The following LINGO2 variants were observed in gnomAD, a reference collection of about 807,000 sequenced individuals.
LINGO2 encodes the protein leucine rich repeat and Ig domain containing 2.
Under a neutral mutation model 30.6 loss-of-function variants are expected in LINGO2, and 14 were observed. That is an observed-to-expected ratio of 0.46 (90% confidence interval 0.30 to 0.72). The LOEUF (loss-of-function observed/expected upper bound fraction) is 0.72, where lower values mean the gene tolerates loss of function less well. LINGO2 is among the 30% of genes least tolerant of loss of function. The pLI, the probability that LINGO2 is intolerant of heterozygous loss-of-function variation, is 0.07. For synonymous variants in LINGO2, 317 were observed against 288.5 expected (o/e 1.10, Z -1.00); for missense variants, 729 against 751.7 (o/e 0.97, Z 0.35).
At chr9:28,042,826 AT>A (rs750415103) in intron 4 of LINGO2, among the ~76,000 whole-genome samples, 2 of 152,134 alleles carry the variant, frequency 1.3e-5, no homozygotes, top group Non-Finnish European at 2.9e-5. Context: ...AACAAATGTT[AT>A]TATACAAATA....
intron 4 of LINGO2, among the ~76,000 whole-genome samples, chr9:28,020,571 CAAACAAAACAAG>C (rs1563918383): frequency 9.8e-6 from 1 of 102,282 alleles, no homozygotes; most frequent in African/African-American, 4.4e-5. Context: ...CAAAACAAAA[CAAACAAAACAAG>C]AAAGTGTTAC....
chr9:28,118,005 CTTACTT>C (rs1334841659), intron 4 of LINGO2, among the ~76,000 whole-genome samples: 1 of 151,560 alleles, frequency 6.6e-6, no homozygotes, highest in Non-Finnish European at 1.5e-5. Flanking sequence ...GTGTAAGTGT[CTTACTT>C]ATAAGTGGGA....
intron 1 of LINGO2, among the ~76,000 whole-genome samples, chr9:28,585,757 A>C (rs559559082): frequency 1.3e-5 from 2 of 152,156 alleles, no homozygotes; most frequent in Admixed American, 6.6e-5. Context: ...AAGAATACTA[A>C]GTTCTTCCCA....
chr9:28,565,339 C>A (rs1231970500), intron 1 of LINGO2, among the ~76,000 whole-genome samples: 1 of 151,548 alleles, frequency 6.6e-6, no homozygotes, highest in Non-Finnish European at 1.5e-5. Flanking sequence ...AGGCGCCTGC[C>A]ACCACGCCCG....
chr9:28,931,128 T>C, the LINGO2 span, among the ~76,000 whole-genome samples: 2 of 152,230 alleles, frequency 1.3e-5, no homozygotes, highest in African/African-American at 4.8e-5. Context: ...TGCCACAATG[T>C]CCCTAGCCAT....
intron 1 of LINGO2, among the ~76,000 whole-genome samples, chr9:28,617,142 A>G (rs185712529): frequency 6.6e-6 from 1 of 152,168 alleles, no homozygotes; most frequent in African/African-American, 2.4e-5. Flanking sequence ...GGATTTAGCT[A>G]ATAACATATT....
the LINGO2 span, among the ~76,000 whole-genome samples, chr9:28,797,359 T>TATATATATATAGAG: frequency 2.5e-3 from 85 of 34,202 alleles, no homozygotes; most frequent in Non-Finnish European, 3.6e-3. Context: ...TATATATATA[T>TATATATATATAGAG]AGAGAGAGAG....
chr9:29,198,100 T>C, the LINGO2 span, among the ~76,000 whole-genome samples: 1 of 152,124 alleles, frequency 6.6e-6, no homozygotes, highest in Non-Finnish European at 1.5e-5. Flanking sequence ...ATTCAATTTA[T>C]AAATGGCTTA....
At chr9:28,969,346 G>T in the LINGO2 span, among the ~76,000 whole-genome samples, 1 of 152,260 alleles carries the variant, frequency 6.6e-6, no homozygotes, top group Non-Finnish European at 1.5e-5. Flanking sequence ...GTAACAGCAA[G>T]TATAAAGACC....
chr9:28,420,530 C>T (rs12553846), intron 2 of LINGO2, among the ~76,000 whole-genome samples: 3,067 of 152,070 alleles, frequency 0.02, 52 homozygotes, highest in Non-Finnish European at 0.032. Flanking sequence ...TTCCCATCTA[C>T]CATATGCATA....
intron 1 of LINGO2, among the ~76,000 whole-genome samples, chr9:28,549,973 C>T (rs1822188808): frequency 6.6e-6 from 1 of 151,852 alleles, no homozygotes. Context: ...ATCTTCACAA[C>T]ATCCTGTTGT....
chr9:28,081,733 C>T (rs547930227), intron 4 of LINGO2, among the ~76,000 whole-genome samples: 2 of 152,254 alleles, frequency 1.3e-5, no homozygotes, highest in South Asian at 4.1e-4. Flanking sequence ...AATGCAATCC[C>T]TATATTTTAG....
chr9:28,559,108 G>C (rs529456851), intron 1 of LINGO2, among the ~76,000 whole-genome samples: 2 of 152,130 alleles, frequency 1.3e-5, no homozygotes, highest in African/African-American at 2.4e-5. Context: ...CATTCAATTT[G>C]CAATCAAATA....
At chr9:28,242,067 C>T (rs1821820961) in intron 4 of LINGO2, among the ~76,000 whole-genome samples, 1 of 152,164 alleles carries the variant, frequency 6.6e-6, no homozygotes, top group African/African-American at 2.4e-5. Context: ...TGCCTCTTCT[C>T]CTCCAAATAA....
chr9:28,139,056 C>T (rs1038536876), intron 4 of LINGO2, among the ~76,000 whole-genome samples: 4 of 152,208 alleles, frequency 2.6e-5, no homozygotes, highest in African/African-American at 9.6e-5. Flanking sequence ...ATGCCTGAAG[C>T]TATTTTTCAG....
chr9:28,905,923 G>A, the LINGO2 span, among the ~76,000 whole-genome samples: 83 of 152,076 alleles, frequency 5.5e-4, no homozygotes, highest in African/African-American at 1.9e-3. Context: ...TCCATTAAAG[G>A]ATGAATAAGT....
chr9:28,204,219 G>T (rs965413782), intron 4 of LINGO2, among the ~76,000 whole-genome samples: 4 of 151,880 alleles, frequency 2.6e-5, no homozygotes, highest in African/African-American at 9.7e-5. Context: ...TGTCTTTATA[G>T]TTGTACATAT....
chr9:28,948,745 A>T, the LINGO2 span, among the ~76,000 whole-genome samples: 8 of 152,276 alleles, frequency 5.3e-5, no homozygotes, highest in East Asian at 1.4e-3. Context: ...AAAACACTGA[A>T]ACCTGATTGT....
the LINGO2 span, among the ~76,000 whole-genome samples, chr9:28,846,892 T>G: frequency 1.4e-4 from 20 of 146,530 alleles, 4 homozygotes; most frequent in African/African-American, 5.2e-4. Flanking sequence ...AGCAGTGTTC[T>G]GCTCCTCCTA....
Sources: gnomAD v4.1 joint callset for allele counts (sites outside exome capture counted in the v4.1 genomes callset) on GRCh38, gnomAD v4.1.1 for gene constraint, MANE v1.5 for transcripts, NCBI Gene and HGNC (gene_info 2026-07-23, HGNC 2026-07-21) for gene names.